Variants in ZC2HC1A observed in about 807,000 individuals in gnomAD.
The protein encoded by ZC2HC1A is zinc finger C2HC domain-containing protein 1A.
ZC2HC1A carries 28 observed loss-of-function variants against 40.7 expected under a neutral mutation model. That is an observed-to-expected ratio of 0.69 (90% CI 0.51 to 0.94). ZC2HC1A has a LOEUF of 0.94. Ranked by LOEUF, ZC2HC1A falls within the 40% of genes least tolerant of loss-of-function variation. The pLI, the probability that ZC2HC1A is intolerant of heterozygous loss-of-function variation, is 0.00. For missense variants in ZC2HC1A, 389 were observed against 386.3 expected, an observed-to-expected ratio of 1.01 and a Z score of -0.06; for synonymous variants, 129 against 129.2, an observed-to-expected ratio of 1.00 and a Z score of 0.01.
intron 5 of ZC2HC1A, among the ~76,000 whole-genome samples, chr8:78,691,455 C>T (rs1810208406): frequency 6.6e-6 from 1 of 151,970 alleles, no homozygotes; most frequent in South Asian, 2.1e-4. Context: ...CTTCTTTTCT[C>T]TCTATTCCTT....
chr8:78,689,482 TTATAGA>T, intron 5 of ZC2HC1A, 109 bp downstream of exon 5: 1 of 1,010,030 alleles, frequency 9.9e-7, no homozygotes, highest in East Asian at 3.0e-5. Flanking sequence ...TCACCTGCTT[TTATAGA>T]TATATAGTTT....
intron 7 of ZC2HC1A, among the ~76,000 whole-genome samples, chr8:78,710,204 T>G (rs1471269599): frequency 1.3e-5 from 2 of 152,212 alleles, no homozygotes; most frequent in Non-Finnish European, 2.9e-5. Flanking sequence ...AATGGCAACT[T>G]AGAATGTAAG....
At chr8:78,682,741 C>T (rs1476789278) in intron 3 of ZC2HC1A, among the ~76,000 whole-genome samples, 2 of 152,158 alleles carry the variant, frequency 1.3e-5, no homozygotes. Flanking sequence ...AAAGTCTTAA[C>T]TCATTTCAGC....
chr8:78,719,232 G>C lies in ZC2HC1A; in HGVS notation c.*1739G>C, dbSNP rs1811191566. The C allele has an allele frequency of 1.3e-5, 1 of 77,200 alleles. No homozygotes were observed. The highest frequency in any genetic ancestry group is 3.5e-5 in the African/African-American group (1 of 28,930). 4.8% of individuals were successfully genotyped at this position (77,200 alleles called of 1,614,324 possible). On this transcript the variant is annotated 3_prime_UTR_variant, in exon 9 of 9. Transcript: ENST00000263849. ...ATACTGAGCACTGTTTTTTTGTCAA[G>C]TATTTTTTTAAGACCACATAATTCT...
intron 5 of ZC2HC1A, 61 bp from the exon 6 acceptor site, chr8:78,697,346 C>A: frequency 7.4e-7 from 1 of 1,343,394 alleles, no homozygotes; most frequent in Non-Finnish European, 1.0e-6. Flanking sequence ...TTTTGAACCA[C>A]TACTTTACAA....
At chr8:78,696,042 T>C (rs79919047) in intron 5 of ZC2HC1A, among the ~76,000 whole-genome samples, 1 of 152,168 alleles carries the variant, frequency 6.6e-6, no homozygotes, top group Non-Finnish European at 1.5e-5. Context: ...AATTTTTCTT[T>C]CTTTTTTTTT....
intron 3 of ZC2HC1A, among the ~76,000 whole-genome samples, chr8:78,684,325 C>A (rs1455254706): frequency 6.6e-6 from 1 of 152,200 alleles, no homozygotes; most frequent in African/African-American, 2.4e-5. Flanking sequence ...GAAGAAGAAT[C>A]AAAGGCACAT....
chr8:78,674,197 C>T (rs892918678), intron 1 of ZC2HC1A, among the ~76,000 whole-genome samples: 49 of 151,958 alleles, frequency 3.2e-4, no homozygotes, highest in Admixed American at 1.6e-3. Context: ...ATGCTTGGTA[C>T]GTGGTTTTTC....
intron 3 of ZC2HC1A, among the ~76,000 whole-genome samples, chr8:78,681,289 C>A (rs758721168): frequency 3.3e-5 from 5 of 151,220 alleles, no homozygotes; most frequent in Admixed American, 3.3e-4. Context: ...ATAATAGAAG[C>A]GATGAATAAT....
Position 78,697,412 on chromosome 8 carries a change from G to A in ZC2HC1A, c.510G>A (p.Lys170=), listed in dbSNP as rs35904168. 0.06 allele frequency: 96,290 copies of A among 1,592,574 alleles called. 3,388 individuals carry two copies. Among genetic ancestry groups the A allele is most frequent in the Middle Eastern group, 0.068 (409 of 6,016 alleles). ...TTTTTTTTCCATTATTTTAGTATAA[G>A]CCACCCGCACTTAAAAAGTCAAATT... The part of the protein sequence containing the change: ...GKPTSRTQVY[K]PPALKKSNSP... The change falls in exon 6 of 9, where the codon AAG becomes AAA. Residue 170 remains lysine (K), a synonymous_variant. Transcript: ENST00000263849.
At position 78,689,427 on chromosome 8, in the gene ZC2HC1A, A is replaced by G. The variant is rs928883664; in HGVS notation, c.504+54A>G. The G allele has an allele frequency of 3.4e-6, 5 of 1,474,412 alleles. No homozygotes were observed. In the African/African-American group the frequency reaches 5.7e-5, roughly 17 times the overall value. The allele number at this position is 1,474,412 out of a possible 1,614,324, so 91.3% of individuals were successfully genotyped here. ...ACGAGAAAATGGCTCATGGACATTC[A>G]TAGATTATTGTTTATGCTTTTCATG... On this transcript the variant is annotated intron_variant, in intron 5 of 8. Coordinates refer to ENST00000263849, the MANE Select transcript of ZC2HC1A (RefSeq NM_016010.3).
At chr8:78,690,636 CA>C (rs1211531186) in intron 5 of ZC2HC1A, among the ~76,000 whole-genome samples, 1 of 151,350 alleles carries the variant, frequency 6.6e-6, no homozygotes, top group Non-Finnish European at 1.5e-5. Flanking sequence ...TCAACATCTA[CA>C]AAAAATGACT....
intron 1 of ZC2HC1A, among the ~76,000 whole-genome samples, chr8:78,669,985 G>A (rs1462266193): frequency 1.9e-5 from 1 of 53,760 alleles, no homozygotes; most frequent in South Asian, 6.5e-4. Flanking sequence ...TTTTTTTTTT[G>A]ATACGGAGTT....
intron 2 of ZC2HC1A, 103 bp downstream of exon 2, chr8:78,675,966 A>G: frequency 2.1e-6 from 2 of 946,492 alleles, no homozygotes; most frequent in Non-Finnish European, 3.3e-6. Context: ...TAGTTTTTGA[A>G]GAGTTAATGG....
intron 1 of ZC2HC1A, among the ~76,000 whole-genome samples, chr8:78,667,609 T>C (rs958254579): frequency 3.3e-5 from 5 of 152,152 alleles, no homozygotes; most frequent in Admixed American, 2.6e-4. Context: ...CCTAGGCACC[T>C]AAAACAATGT....
intron 8 of ZC2HC1A, among the ~76,000 whole-genome samples, chr8:78,716,537 A>T (rs1811111142): frequency 6.6e-6 from 1 of 152,196 alleles, no homozygotes; most frequent in African/African-American, 2.4e-5. Context: ...TAAAATAAAT[A>T]CTAGAAGCAT....
chr8:78,693,994 T>G (rs140489365), intron 5 of ZC2HC1A, among the ~76,000 whole-genome samples: 4,282 of 152,322 alleles, frequency 0.028, 84 homozygotes, highest in Middle Eastern at 0.078. Flanking sequence ...TAGGGAATCC[T>G]TTCCACATTT....
intron 7 of ZC2HC1A, among the ~76,000 whole-genome samples, chr8:78,709,624 G>T (rs1810891253): frequency 6.6e-6 from 1 of 151,940 alleles, no homozygotes; most frequent in African/African-American, 2.4e-5. Flanking sequence ...AGAGCAGGGG[G>T]GTGTTCAATC....
In ZC2HC1A at chr8:78,717,648, G is replaced by A; in HGVS notation, c.*155G>A. The A allele has an allele frequency of 1.3e-6, 1 of 759,498 alleles. No individual in the cohort carries two copies. The highest frequency in any genetic ancestry group is 2.8e-5 in the East Asian group (1 of 36,128). The allele number at this position is 759,498 out of a possible 1,614,324, so 47.0% of individuals were successfully genotyped here. On this transcript the variant is annotated 3_prime_UTR_variant, in exon 9 of 9. Transcript: ENST00000263849. Reference sequence around the variant, plus strand: ...GTGTAATCTTTTGGCTATATAATGTGTGTATGTTTATATGTGTACATATAC... The same window carrying A: ...GTGTAATCTTTTGGCTATATAATGTATGTATGTTTATATGTGTACATATAC...
Sources: allele counts gnomAD v4.1 joint callset (sites outside exome capture counted in the v4.1 genomes callset), GRCh38; gene constraint gnomAD v4.1.1; transcripts MANE v1.5; gene names NCBI Gene and HGNC (gene_info 2026-07-23, HGNC 2026-07-21).